Variants in VWC2L observed in about 807,000 individuals in gnomAD.
VWC2L encodes von Willebrand factor C domain-containing protein 2-like.
VWC2L carries 10 observed loss-of-function variants against 21.6 expected under a neutral mutation model. The observed-to-expected ratio is 0.46, with a 90% CI of 0.29 to 0.78. VWC2L has a LOEUF of 0.78. Among genes scored for constraint, VWC2L ranks in the 30% least tolerant of loss-of-function variants. VWC2L has a pLI of 0.10. For missense variants in VWC2L, 209 were observed against 277.1 expected (o/e 0.75, Z 1.74); for synonymous variants, 96 against 94.3 (o/e 1.02, Z -0.10).
intron 3 of VWC2L, among the ~76,000 whole-genome samples, chr2:214,447,303 A>G (rs1437857260): frequency 6.6e-6 from 1 of 152,120 alleles, no homozygotes; most frequent in African/African-American, 2.4e-5. Context: ...TCTCCAGTCC[A>G]CAGTGACCCC....
chr2:214,458,102 T>C (rs1372560519), intron 3 of VWC2L, among the ~76,000 whole-genome samples: 1 of 152,114 alleles, frequency 6.6e-6, no homozygotes, highest in Non-Finnish European at 1.5e-5. Context: ...TGGGAGACTT[T>C]TTATAACTGA....
chr2:214,430,583 C>T (rs553181963), intron 2 of VWC2L, among the ~76,000 whole-genome samples: 141 of 151,810 alleles, frequency 9.3e-4, no homozygotes, highest in Non-Finnish European at 1.8e-3. Flanking sequence ...AGTTTATTAC[C>T]TACCTAGTTT....
intron 2 of VWC2L, 25 bp from the exon 3 acceptor site, chr2:214,436,604 G>C: frequency 6.2e-7 from 1 of 1,611,250 alleles, no homozygotes; most frequent in Non-Finnish European, 8.5e-7. Context: ...AGGAGAAAAG[G>C]GGCTAATTTT....
chr2:214,453,385 A>G (rs1285694963), intron 3 of VWC2L, among the ~76,000 whole-genome samples: 1 of 152,202 alleles, frequency 6.6e-6, no homozygotes, highest in Non-Finnish European at 1.5e-5. Context: ...GTCTATGCTT[A>G]TATACAAATG....
intron 3 of VWC2L, among the ~76,000 whole-genome samples, chr2:214,565,521 T>C (rs527881942): frequency 5.3e-5 from 8 of 152,358 alleles, no homozygotes; most frequent in African/African-American, 1.9e-4. Context: ...TTCGTCCTGC[T>C]TCTTGCAGAC....
At chr2:214,443,641 T>C (rs1421743586) in intron 3 of VWC2L, among the ~76,000 whole-genome samples, 1 of 152,152 alleles carries the variant, frequency 6.6e-6, no homozygotes, top group Non-Finnish European at 1.5e-5. Flanking sequence ...ATGACAAATA[T>C]TCTTGATAAA....
intron 3 of VWC2L, among the ~76,000 whole-genome samples, chr2:214,454,059 T>A (rs1703016953): frequency 6.6e-6 from 1 of 152,072 alleles, no homozygotes; most frequent in African/African-American, 2.4e-5. Context: ...TTTTTAAAGA[T>A]TTTCTGACTA....
intron 3 of VWC2L, among the ~76,000 whole-genome samples, chr2:214,480,629 T>C (rs1688588637): frequency 6.6e-6 from 1 of 152,106 alleles, no homozygotes; most frequent in Admixed American, 6.6e-5. Flanking sequence ...ATTAGTCCAC[T>C]AGACATGGTT....
At chr2:214,468,900 T>C (rs1162460230) in intron 3 of VWC2L, among the ~76,000 whole-genome samples, 1 of 152,224 alleles carries the variant, frequency 6.6e-6, no homozygotes, top group Non-Finnish European at 1.5e-5. Flanking sequence ...TTTGTAAAAA[T>C]TAACGTTACC....
intron 3 of VWC2L, chr2:214,534,091 TAC>T (rs1292165775): frequency 1.3e-5 from 2 of 152,500 alleles, no homozygotes; most frequent in African/African-American, 4.8e-5. Context: ...AGAAGGGACA[TAC>T]ATAGGGCCAA....
At chr2:214,525,123 T>C (rs1442840537) in intron 3 of VWC2L, 1 of 151,848 alleles carries the variant, frequency 6.6e-6, no homozygotes, top group African/African-American at 2.4e-5. Context: ...GTGAATTCTT[T>C]TTGCACTAAC....
intron 3 of VWC2L, among the ~76,000 whole-genome samples, chr2:214,477,201 A>T (rs1688537707): frequency 6.6e-6 from 1 of 152,224 alleles, no homozygotes; most frequent in African/African-American, 2.4e-5. Context: ...CATTCATGTG[A>T]ACACTTCACT....
At chr2:214,498,154 C>T (rs1341806899) in intron 3 of VWC2L, among the ~76,000 whole-genome samples, 1 of 152,100 alleles carries the variant, frequency 6.6e-6, no homozygotes, top group African/African-American at 2.4e-5. Flanking sequence ...ATGGGCCTGG[C>T]CATTTATCAC....
Position 214,577,072 on chromosome 2 carries a change from G to C in VWC2L, c.*1252G>C, listed in dbSNP as rs1690241412. ...GTAACAGAAAAAACAAAACACACAG[G>C]GTATCTGATGCCACCTCGATTCAAG... is the stretch of plus-strand genomic sequence containing the variant. On this transcript the variant is annotated 3_prime_UTR_variant, in exon 4 of 4. Coordinates refer to ENST00000312504, the MANE Select transcript of VWC2L (RefSeq NM_001080500.4). 6.6e-6 allele frequency: 1 copy of C among 152,034 alleles called. No homozygotes were observed. The allele number at this position is 152,034 out of a possible 1,614,324, so 9.4% of individuals were successfully genotyped here.
chr2:214,566,296 G>A (rs925333614), intron 3 of VWC2L, among the ~76,000 whole-genome samples: 4 of 152,138 alleles, frequency 2.6e-5, no homozygotes, highest in African/African-American at 4.8e-5. Context: ...CAGAGCCTGC[G>A]AATTTTCCTG....
At chr2:214,526,894 G>A (rs1290671162) in intron 3 of VWC2L, among the ~76,000 whole-genome samples, 1 of 152,092 alleles carries the variant, frequency 6.6e-6, no homozygotes, top group Non-Finnish European at 1.5e-5. Flanking sequence ...CTACCAAGAA[G>A]ACACATACAC....
At chr2:214,479,883 C>T (rs1013220240) in intron 3 of VWC2L, among the ~76,000 whole-genome samples, 1 of 152,176 alleles carries the variant, frequency 6.6e-6, no homozygotes, top group African/African-American at 2.4e-5. Context: ...GCACTTGGCC[C>T]TCTCTATCTG....
rs200850245 is a variant in VWC2L at position 214,459,750 on chromosome 2, G to GT, written c.520+23000dup. Among the ~76,000 whole-genome samples the GT allele has an allele frequency of 4.9e-4, 75 of 151,908 alleles. 1 individual carries two copies. The Middle Eastern group carries it at 0.01, about 21-fold the overall frequency. ...CTGGGTATAGGATTCTTCATTGCTA[G>GT]TTTTTTTTCCTTTCAGCATTCTGAA... is the stretch of plus-strand genomic sequence containing the variant. On this transcript the variant is annotated intron_variant, in intron 3 of 3. Transcript: ENST00000312504.
chr2:214,521,230 C>CAAAG (rs1689234721), intron 3 of VWC2L, among the ~76,000 whole-genome samples: 2 of 131,780 alleles, frequency 1.5e-5, no homozygotes, highest in South Asian at 5.0e-4. Flanking sequence ...GACTCCATCT[C>CAAAG]AAAGATAAAT....
Sources: gnomAD v4.1 joint callset for allele counts (sites outside exome capture counted in the v4.1 genomes callset) on GRCh38, gnomAD v4.1.1 for gene constraint, MANE v1.5 for transcripts, NCBI Gene and HGNC (gene_info 2026-07-23, HGNC 2026-07-21) for gene names.